Variants in TASL observed in about 807,000 individuals in gnomAD.
TASL encodes TLR adaptor interacting with endolysosomal SLC15A4, also known as TLR adapter interacting with SLC15A4 on the lysosome.
Under a neutral mutation model 12.9 loss-of-function variants are expected in TASL, and 6 were observed. That is an observed-to-expected ratio of 0.46 (90% CI 0.25 to 0.92). The LOEUF (loss-of-function observed/expected upper bound fraction) is 0.92. Among genes scored for constraint, TASL ranks in the 40% least tolerant of loss-of-function variants. The pLI, the probability that TASL is intolerant of heterozygous loss-of-function variation, is 0.17. For synonymous variants in TASL, 85 were observed against 79.3 expected, an observed-to-expected ratio of 1.07 and a Z score of -0.38; for missense variants, 165 against 212.8, an observed-to-expected ratio of 0.78 and a Z score of 1.40.
Position 30,559,608 on chromosome X carries a change from C to G in TASL, c.748G>C (p.Asp250His). Residue 250 changes from aspartate (D) to histidine (H), a missense_variant, in exon 3 of 3, where the codon GAC (aspartate) becomes CAC (histidine). Physicochemically the swap from Asp to His is moderately conservative, Grantham distance 81 (BLOSUM62 -1). Coordinates refer to ENST00000378962, the MANE Select transcript of TASL (RefSeq NM_025159.3). Reference sequence around the variant, plus strand: ...CTAGACACTTGAAGACTGATTTGGTCTACACTTGTCATGATGAGTTCAGAC... The same window carrying G: ...CTAGACACTTGAAGACTGATTTGGTGTACACTTGTCATGATGAGTTCAGAC... ...LASELIMTSV[D>H]QISLQVSREK... The G allele has an allele frequency of 8.3e-7, 1 of 1,210,684 alleles. No individual in the cohort carries two copies. Among genetic ancestry groups the G allele is most frequent in the Non-Finnish European group, 1.1e-6 (1 of 895,000 alleles).
intron 2 of TASL, among the ~76,000 whole-genome samples, chrX:30,562,101 G>A (rs1456990487): frequency 1.8e-5 from 2 of 111,999 alleles, no homozygotes; most frequent in Non-Finnish European, 1.9e-5. Context: ...TGGAAAATCA[G>A]AGCATAAATG....
At chrX:30,561,694 AT>A (rs72131494) in intron 2 of TASL, among the ~76,000 whole-genome samples, 4,782 of 108,339 alleles carry the variant, frequency 0.044, 140 homozygotes, top group African/African-American at 0.11. Flanking sequence ...TAAGATAGTA[AT>A]TTTTTTTTTC....
chrX:30,571,323 AAAG>A (rs1396581787), intron 2 of TASL, among the ~76,000 whole-genome samples: 2 of 103,540 alleles, frequency 1.9e-5, no homozygotes, highest in African/African-American at 3.4e-5. Context: ...AGAAAGAAAG[AAAG>A]AAACCCATTT....
intron 2 of TASL, among the ~76,000 whole-genome samples, chrX:30,571,223 A>AGAAG (rs1254800595): frequency 9.9e-6 from 1 of 100,915 alleles, no homozygotes; most frequent in African/African-American, 3.6e-5. Context: ...AAAGAAGGAA[A>AGAAG]GAAGGAAGGA....
In TASL at chrX:30,560,731, T is replaced by C. The variant is rs183487507; in HGVS notation, c.-1-375A>G. Among the ~76,000 whole-genome samples the C allele has an allele frequency of 2.0e-3, 215 of 110,241 alleles. 6 individuals carry two copies. The Admixed American group carries it at 0.02, about 10-fold the overall frequency. ...ACAGGATGTGTCATAGGGAAGGTGA[T>C]ATTTCAGCTGAATGCTAAAGAGTAA... On this transcript the variant is annotated intron_variant, in intron 2 of 2. Transcript: ENST00000378962.
At chrX:30,565,202 G>A (rs1362893392) in intron 2 of TASL, among the ~76,000 whole-genome samples, 1 of 111,687 alleles carries the variant, frequency 9.0e-6, no homozygotes, top group Non-Finnish European at 1.9e-5. Context: ...GTCAAGGATA[G>A]CCAGGACTGG....
Position 30,558,974 on chromosome X carries a change from A to T in TASL, c.*476T>A, listed in dbSNP as rs1412729182. 1 of 110,449 alleles carries T rather than the reference A, an allele frequency of 9.1e-6. No individual in the cohort carries two copies. Among genetic ancestry groups the T allele is most frequent in the Non-Finnish European group, 1.9e-5 (1 of 53,065 alleles). The allele number at this position is 110,449 out of a possible 1,213,427, so 9.1% of individuals were successfully genotyped here. On this transcript the variant is annotated 3_prime_UTR_variant, in exon 3 of 3. Coordinates refer to ENST00000378962, the MANE Select transcript of TASL (RefSeq NM_025159.3). ...AGGTACCCACCACCATGTCCAGCTAATTTTTTGTATTTTTAGTAGAGATGG... is the reference window on the plus strand; with the variant it reads ...AGGTACCCACCACCATGTCCAGCTATTTTTTTGTATTTTTAGTAGAGATGG...
chrX:30,560,167 C>T lies in TASL; in HGVS notation c.189G>A (p.Lys63=). The change falls in exon 3 of 3, where the codon AAG becomes AAA. Residue 63 remains lysine, a synonymous_variant. Coordinates refer to ENST00000378962, the MANE Select transcript of TASL (RefSeq NM_025159.3). ...CTCTTGAATGCACTGAAGAGATAAA[C>T]TTGCCAGATGATTTGCAGCTCACGT... ...SLYVSCKSSG[K]FISSVHSRES... 1 of 1,210,804 alleles carries T rather than the reference C, an allele frequency of 8.3e-7. No individual in the cohort carries two copies. The highest frequency in any genetic ancestry group is 1.1e-6 in the Non-Finnish European group (1 of 895,076).
intron 2 of TASL, among the ~76,000 whole-genome samples, chrX:30,571,109 G>A (rs1249361844): frequency 3.7e-5 from 4 of 107,023 alleles, no homozygotes. Context: ...GAACCCGGGA[G>A]GTGGAGGTTG....
chrX:30,570,236 TCACA>T (rs139566030), intron 2 of TASL, among the ~76,000 whole-genome samples: 43 of 99,788 alleles, frequency 4.3e-4, no homozygotes, highest in African/African-American at 1.4e-3. Context: ...ACTCTCTCTC[TCACA>T]CACACACACA....
intron 2 of TASL, among the ~76,000 whole-genome samples, chrX:30,569,074 TC>T (rs1312729294): frequency 9.0e-6 from 1 of 110,761 alleles, no homozygotes; most frequent in Admixed American, 9.6e-5. Context: ...TACATTTGAT[TC>T]ATCCTGTAGG....
intron 2 of TASL, among the ~76,000 whole-genome samples, chrX:30,570,226 A>ACT (rs57818181): frequency 0.046 from 3,207 of 69,680 alleles, 53 homozygotes; most frequent in East Asian, 0.2. Flanking sequence ...GTACATAAAT[A>ACT]CTCTCTCTCT....
intron 2 of TASL, among the ~76,000 whole-genome samples, chrX:30,571,274 G>GAA (rs1555998459): frequency 2.3e-4 from 14 of 59,947 alleles, no homozygotes; most frequent in African/African-American, 7.7e-4. Context: ...AAGAAAGAAA[G>GAA]AAAGAAAGAA....
At chrX:30,565,676 A>G (rs1930487533) in intron 2 of TASL, among the ~76,000 whole-genome samples, 1 of 112,353 alleles carries the variant, frequency 8.9e-6, no homozygotes, top group East Asian at 2.8e-4. Flanking sequence ...TGACTACTCT[A>G]TGGAACAGCA....
rs149586916 is a variant in TASL, at chrX:30,577,683, C to T, written c.-162G>A. The T allele has an allele frequency of 0.016, 1,799 of 112,435 alleles. 17 individuals are homozygous for T. The highest frequency in any genetic ancestry group is 0.025 in the Non-Finnish European group (1,338 of 53,312). 9.3% of individuals were successfully genotyped at this position (112,435 alleles called of 1,213,427 possible). ...ATCTGATCCGGCAGAAACACAGCAA[C>T]TGACCAAACAGAGAGATGAACAAGC... On this transcript the variant is annotated 5_prime_UTR_variant, in exon 1 of 3. Transcript: ENST00000378962.
chrX:30,561,769 G>A (rs1295748865), intron 2 of TASL, among the ~76,000 whole-genome samples: 1 of 106,229 alleles, frequency 9.4e-6, no homozygotes, highest in Non-Finnish European at 1.9e-5. Flanking sequence ...ACTATATTCT[G>A]GGCACAGTTA....
intron 2 of TASL, among the ~76,000 whole-genome samples, chrX:30,569,944 G>A (rs1187043814): frequency 9.1e-6 from 1 of 109,655 alleles, no homozygotes; most frequent in Non-Finnish European, 1.9e-5. Flanking sequence ...CCAGGAGGTG[G>A]AGATTGGAGA....
chrX:30,565,441 C>T (rs1056335313), intron 2 of TASL, among the ~76,000 whole-genome samples: 7 of 112,065 alleles, frequency 6.2e-5, no homozygotes, highest in African/African-American at 2.3e-4. Context: ...TCATGAAATA[C>T]AATTTATACA....
intron 2 of TASL, among the ~76,000 whole-genome samples, chrX:30,567,492 T>A (rs1406163371): frequency 1.8e-5 from 2 of 111,612 alleles, no homozygotes; most frequent in Admixed American, 1.9e-4. Context: ...TAAAATATTT[T>A]TATCATATAT....
Sources: allele counts gnomAD v4.1 joint callset (sites outside exome capture counted in the v4.1 genomes callset), GRCh38; gene constraint gnomAD v4.1.1; transcripts MANE v1.5; gene names NCBI Gene and HGNC (gene_info 2026-07-23, HGNC 2026-07-21).